The following NR1H3 variants were observed in gnomAD, a reference collection of about 807,000 sequenced individuals.
The protein encoded by NR1H3 is oxysterols receptor LXR-alpha.
NR1H3 carries 19 observed loss-of-function variants against 48.1 expected under a neutral mutation model. That is an observed-to-expected ratio of 0.40 (90% CI 0.28 to 0.58). NR1H3 has a LOEUF of 0.58. NR1H3 is among the 20% of genes least tolerant of loss of function. NR1H3 has a pLI of 0.50. For synonymous variants in NR1H3, 232 were observed against 227.3 expected (o/e 1.02, Z -0.19); for missense variants, 486 against 595.9 (o/e 0.82, Z 1.92).
chr11:47,260,588 G>A lies in NR1H3; in HGVS notation c.412G>A (p.Gly138Ser). The change falls in exon 4 of 10, where the codon GGC becomes AGC. Residue 138 changes from glycine to serine, a missense_variant. Physicochemically the swap from Gly to Ser is moderately conservative, Grantham distance 56. Transcript: ENST00000441012. Reference sequence around the variant, plus strand: ...AGCGCACTACATCTGCCACAGTGGCGGCCACTGCCCCATGGACACCTACAT... The same window carrying A: ...AGCGCACTACATCTGCCACAGTGGCAGCCACTGCCCCATGGACACCTACAT... Reference protein sequence around the residue: ...KGAHYICHSGGHCPMDTYMRR... With the variant: ...KGAHYICHSGSHCPMDTYMRR... 2 of 1,614,002 alleles carry A rather than the reference G, an allele frequency of 1.2e-6. No individual in the cohort carries two copies. The highest frequency in any genetic ancestry group is 8.5e-7 in the Non-Finnish European group (1 of 1,180,030).
upstream of NR1H3, among the ~76,000 whole-genome samples, chr11:47,257,150 A>G (rs1955260264): frequency 6.6e-6 from 1 of 152,170 alleles, no homozygotes; most frequent in Non-Finnish European, 1.5e-5. Context: ...TCAATAAAAT[A>G]TGATGTCTAC....
chr11:47,258,102 C>T lies in NR1H3; in HGVS notation c.-65C>T, dbSNP rs1955385528. 1.0e-6 allele frequency: 1 copy of T among 985,488 alleles called. No individual in the cohort carries two copies. Among genetic ancestry groups the T allele is most frequent in the Non-Finnish European group, 1.2e-6 (1 of 830,102 alleles). The allele number at this position is 985,488 out of a possible 1,614,324, so 61.0% of individuals were successfully genotyped here. On this transcript the variant is annotated 5_prime_UTR_variant, in exon 1 of 10. Coordinates refer to ENST00000441012, the MANE Select transcript of NR1H3 (RefSeq NM_005693.4). ...CAAGGGGGCTCCAGAGACTGCCCAC[C>T]CAGGAAGTCTGGTGGCCTGGGGATT... is the stretch of plus-strand genomic sequence containing the variant.
At chr11:47,255,651 CTT>C (rs1342747952), upstream of NR1H3, among the ~76,000 whole-genome samples, 287 of 132,660 alleles carry the variant, frequency 2.2e-3, no homozygotes, top group African/African-American at 2.8e-3. Context: ...CTTTCTTTCT[CTT>C]TCTCTCTCTC....
upstream of NR1H3, chr11:47,257,622 C>A: frequency 1.0e-6 from 1 of 984,492 alleles, no homozygotes. Context: ...GTGCTGGGAC[C>A]TTTGCTCCAC....
At chr11:47,268,461 G>C in intron 9 of NR1H3, 89 bp from the exon 10 acceptor site, 1 of 1,593,470 alleles carries the variant, frequency 6.3e-7, no homozygotes, top group African/African-American at 1.3e-5. Flanking sequence ...ATGCTGTGCA[G>C]ACAATTCACC....
intron 7 of NR1H3, among the ~76,000 whole-genome samples, chr11:47,265,599 C>T (rs1020786170): frequency 1.4e-4 from 21 of 151,946 alleles, no homozygotes; most frequent in African/African-American, 4.6e-4. Context: ...ATTGACCAGG[C>T]GCGGTGGCTC....
chr11:47,254,744 C>T (rs1449936624), upstream of NR1H3, among the ~76,000 whole-genome samples: 1 of 152,184 alleles, frequency 6.6e-6, no homozygotes, highest in Non-Finnish European at 1.5e-5. Context: ...TGCTCCCCAG[C>T]CCCGGCCTGT....
chr11:47,265,348 C>T (rs1489672402), intron 7 of NR1H3, among the ~76,000 whole-genome samples: 2 of 152,084 alleles, frequency 1.3e-5, no homozygotes. Context: ...GACCAACACA[C>T]AACACTTGAT....
In NR1H3 at chr11:47,268,279, A is replaced by T; in HGVS notation, c.1121A>T (p.Asp374Val). Reference sequence around the variant, plus strand: ...CCTATAGACCGGCCCAACGTGCAGGACCAGCTCCAGGTAGAGAGGCTGCAG... The same window carrying T: ...CCTATAGACCGGCCCAACGTGCAGGTCCAGCTCCAGGTAGAGAGGCTGCAG... The part of the protein sequence containing the change: ...IFSADRPNVQ[D>V]QLQVERLQHT... The change falls in exon 9 of 10, where the codon GAC becomes GTC. Residue 374 changes from aspartate to valine, a missense_variant. Asp to Val is a radical substitution (Grantham distance 152). Transcript: ENST00000441012. 6.2e-7 allele frequency: 1 copy of T among 1,614,100 alleles called. No homozygotes were observed. The highest frequency in any genetic ancestry group is 8.5e-7 in the Non-Finnish European group (1 of 1,180,004).
rs1326816267 is a variant in NR1H3 at position 47,259,365 on chromosome 11, C to A, written c.43+106C>A. 2.5e-6 allele frequency: 4 copies of A among 1,599,748 alleles called. No individual in the cohort carries two copies. The South Asian group carries it at 4.4e-5, about 18-fold the overall frequency. On this transcript the variant is annotated intron_variant, in intron 2 of 9. Coordinates refer to ENST00000441012, the MANE Select transcript of NR1H3 (RefSeq NM_005693.4). ...CTGCCTTCTTCCTTCCTCCAGAGAG[C>A]AGTCCAGAGTCATTCTTAGTCGTGC...
chr11:47,256,952 G>T (rs1014854696), upstream of NR1H3, among the ~76,000 whole-genome samples: 6 of 151,928 alleles, frequency 3.9e-5, no homozygotes, highest in African/African-American at 1.4e-4. Flanking sequence ...GGATGGTCTC[G>T]ATCTCCTGAC....
intron 7 of NR1H3, among the ~76,000 whole-genome samples, chr11:47,265,747 C>T (rs973970229): frequency 6.6e-6 from 1 of 151,908 alleles, no homozygotes; most frequent in Non-Finnish European, 1.5e-5. Flanking sequence ...TGACATGCAC[C>T]AGTAGTCCCA....
chr11:47,259,119 G>A, intron 1 of NR1H3, 61 bp from the exon 2 acceptor site: 2 of 1,602,680 alleles, frequency 1.2e-6, no homozygotes, highest in South Asian at 2.2e-5. Context: ...AGGTGGAGAA[G>A]GGAGCTGAGG....
intron 1 of NR1H3, 120 bp from the exon 2 acceptor site, chr11:47,259,060 G>A (rs1955528698): frequency 6.6e-7 from 1 of 1,526,534 alleles, no homozygotes; most frequent in African/African-American, 1.4e-5. Context: ...GCTAATATAT[G>A]GCAAGTAAAT....
At chr11:47,268,056 A>G (rs776771553) in intron 8 of NR1H3, 30 bp downstream of exon 8, 4 of 1,538,324 alleles carry the variant, frequency 2.6e-6, no homozygotes, top group Non-Finnish European at 2.7e-6. Context: ...GGAAACAGCA[A>G]GAGACTTACA....
intron 2 of NR1H3, 180 bp downstream of exon 2, chr11:47,259,439 T>G (rs933027572): frequency 1.3e-6 from 2 of 1,555,254 alleles, no homozygotes; most frequent in Non-Finnish European, 1.7e-6. Context: ...GCCTGGCCCT[T>G]GCAGGCACCC....
chr11:47,267,658 G>A (rs1464413239), intron 7 of NR1H3, among the ~76,000 whole-genome samples: 1 of 152,124 alleles, frequency 6.6e-6, no homozygotes, highest in African/African-American at 2.4e-5. Flanking sequence ...ACAGGCACCT[G>A]CCACCACGCC....
In NR1H3 at chr11:47,261,965, G is replaced by A. The variant is rs754398603; in HGVS notation, c.935G>A (p.Ser312Asn). The change falls in exon 7 of 10, where the codon AGT becomes AAT. Residue 312 changes from serine to asparagine, a missense_variant. Physicochemically the swap from Ser to Asn is conservative, Grantham distance 46. Coordinates refer to ENST00000441012, the MANE Select transcript of NR1H3 (RefSeq NM_005693.4). ...CGGAGGTACAACCCTGGGAGTGAGA[G>A]TATCACCTTCCTCAAGGATTTCAGT... ...TSRRYNPGSE[S>N]ITFLKDFSYN... 2.5e-6 allele frequency: 4 copies of A among 1,614,196 alleles called. No individual in the cohort carries two copies. Among genetic ancestry groups the A allele is most frequent in the East Asian group, 2.2e-5 (1 of 44,884 alleles).
upstream of NR1H3, among the ~76,000 whole-genome samples, chr11:47,255,561 CTTTCTT>C (rs1955027418): frequency 1.4e-5 from 1 of 73,938 alleles, no homozygotes; most frequent in African/African-American, 7.5e-5. Flanking sequence ...TTCTTTCTTT[CTTTCTT>C]TCTTTCTTTC....
Sources: allele counts gnomAD v4.1 joint callset (sites outside exome capture counted in the v4.1 genomes callset), GRCh38; gene constraint gnomAD v4.1.1; transcripts MANE v1.5; gene names NCBI Gene and HGNC (gene_info 2026-07-23, HGNC 2026-07-21).